The following RECQL5 variants were observed in gnomAD, a reference collection of about 807,000 sequenced individuals.
The protein encoded by RECQL5 is ATP-dependent DNA helicase Q5.
In RECQL5, 88 loss-of-function variants were observed where a neutral mutation model predicts 103.4. That is an observed-to-expected ratio of 0.85 (90% CI 0.72 to 1.02). RECQL5 has a LOEUF of 1.02. RECQL5 is among the 50% of genes least tolerant of loss of function. The pLI is 0.00. For synonymous variants in RECQL5, 552 were observed against 507.9 expected, an observed-to-expected ratio of 1.09 and a Z score of -1.17; for missense variants, 1,232 against 1,284.3, an observed-to-expected ratio of 0.96 and a Z score of 0.62.
intron 1 of RECQL5, 115 bp from the exon 2 acceptor site, chr17:75,666,686 T>C: frequency 9.9e-7 from 1 of 1,012,308 alleles, no homozygotes; most frequent in Non-Finnish European, 1.4e-6. Context: ...TTAAATAATG[T>C]ATTATTTTTA....
chr17:75,652,321 G>A (rs1196037331), intron 7 of RECQL5: 2 of 152,358 alleles, frequency 1.3e-5, no homozygotes, highest in Non-Finnish European at 2.9e-5. Flanking sequence ...TACACCAGGA[G>A]AGCAAGATTC....
At chr17:75,627,746 G>A (rs1158662085) in intron 18 of RECQL5, 54 bp from the exon 19 acceptor site, 43 of 1,510,948 alleles carry the variant, frequency 2.8e-5, no homozygotes, top group South Asian at 1.8e-4. Context: ...GTGGCCGGGC[G>A]CAGTGGCTCA....
At chr17:75,635,237 C>T (rs1219772469) in intron 8 of RECQL5, among the ~76,000 whole-genome samples, 2 of 152,162 alleles carry the variant, frequency 1.3e-5, no homozygotes, top group South Asian at 2.1e-4. Flanking sequence ...CAAGCTCCTG[C>T]GGTGTTGGGA....
At chr17:75,643,603 G>A (rs1568272310) in intron 8 of RECQL5, among the ~76,000 whole-genome samples, 3 of 152,216 alleles carry the variant, frequency 2.0e-5, no homozygotes, top group Admixed American at 6.5e-5. Flanking sequence ...TTCTTGTGCC[G>A]GTCTTCCCTG....
rs1418233951 is a variant in RECQL5 at position 75,636,798 on chromosome 17, G to A, written c.1230-5130C>T. On this transcript the variant is annotated intron_variant, in intron 8 of 19. Coordinates refer to ENST00000317905, the MANE Select transcript of RECQL5 (RefSeq NM_004259.7). The surrounding 1 kb of genome is among the most constrained non-coding windows in gnomAD (Gnocchi z 5.4). ...CCGGGGTTCCTCTCCAGCTCTCTGG[G>A]GGCAGAACAGCCACGTCCAACGGTC... 7 of 152,482 alleles carry A rather than the reference G, an allele frequency of 4.6e-5. No individual in the cohort carries two copies. The highest frequency in any genetic ancestry group is 1.0e-4 in the Non-Finnish European group (7 of 68,268). 9.4% of individuals were successfully genotyped at this position (152,482 alleles called of 1,614,324 possible).
Position 75,662,465 on chromosome 17 carries a change from C to T in RECQL5, c.771+14G>A. ...TGCTCTAACAGCTGCTTGGCCTCCA[C>T]CTCAATGCCTCACCCCTTTATCAGC... On this transcript the variant is annotated intron_variant, in intron 4 of 19. Coordinates refer to ENST00000317905, the MANE Select transcript of RECQL5 (RefSeq NM_004259.7). The T allele has an allele frequency of 1.9e-6, 3 of 1,609,092 alleles. No individual in the cohort carries two copies. The highest frequency in any genetic ancestry group is 2.5e-6 in the Non-Finnish European group (3 of 1,176,780).
intron 7 of RECQL5, among the ~76,000 whole-genome samples, chr17:75,657,530 C>CT (rs1349803078): frequency 1.3e-5 from 2 of 152,058 alleles, no homozygotes; most frequent in East Asian, 3.9e-4. Flanking sequence ...AGGAGGATTA[C>CT]TTGAGCCCAG....
intron 13 of RECQL5, 145 bp from the exon 14 acceptor site, chr17:75,630,422 G>A (rs2059185388): frequency 4.4e-6 from 4 of 900,394 alleles, no homozygotes; most frequent in African/African-American, 1.7e-5. Context: ...GTGGCTTACT[G>A]TCCCTCAGCA....
Position 75,629,174 on chromosome 17 carries a change from T to C in RECQL5, c.2249A>G (p.Gln750Arg), listed in dbSNP as rs779281071. 1.9e-6 allele frequency: 3 copies of C among 1,613,740 alleles called. No individual in the cohort carries two copies. Among genetic ancestry groups the C allele is most frequent in the South Asian group, 2.2e-5 (2 of 91,090 alleles). The change falls in exon 16 of 20, where the codon CAG (glutamine) becomes CGG (arginine). Residue 750 changes from glutamine to arginine, a missense_variant. By Grantham distance (43) the Gln-to-Arg change is conservative (BLOSUM62 1). Coordinates refer to ENST00000317905, the MANE Select transcript of RECQL5 (RefSeq NM_004259.7). Reference sequence around the variant, plus strand: ...GTGGGCCGCTGTGGCTAGGAGCTGCTGTTTCTTGCTAGCCCGGCCCTTGGC... The same window carrying C: ...GTGGGCCGCTGTGGCTAGGAGCTGCCGTTTCTTGCTAGCCCGGCCCTTGGC... ...SLAKGRASKK[Q>R]QLLATAAHKD...
At chr17:75,633,752 C>T in intron 8 of RECQL5, 3 of 1,041,920 alleles carry the variant, frequency 2.9e-6, no homozygotes, top group Non-Finnish European at 3.5e-6. Context: ...TGCAGGACTC[C>T]CCTCCACAGG....
chr17:75,629,349 C>T lies in RECQL5; in HGVS notation c.2074G>A (p.Glu692Lys), dbSNP rs567932731. 5.3e-6 allele frequency: 8 copies of T among 1,519,654 alleles called. No individual in the cohort carries two copies. The highest frequency in any genetic ancestry group is 4.0e-5 in the South Asian group (3 of 75,598). The allele number at this position is 1,519,654 out of a possible 1,614,324, so 94.1% of individuals were successfully genotyped here. ...AGGCCACAGGGCCGGCTCGGGGGCT[C>T]GTGCTCGCCTCCCCGCTCGGGCTGG... is the stretch of plus-strand genomic sequence containing the variant. The part of the protein sequence containing the change: ...APQPERGGEH[E>K]PPSRPCGLLD... The change falls in exon 16 of 20, where the codon GAG (glutamate) becomes AAG (lysine). Residue 692 changes from glutamate (E) to lysine (K), a missense_variant. Physicochemically the swap from Glu to Lys is moderately conservative, Grantham distance 56. Transcript: ENST00000317905.
At chr17:75,635,704 A>G in intron 8 of RECQL5, 2 of 802,782 alleles carry the variant, frequency 2.5e-6, no homozygotes, top group Non-Finnish European at 3.0e-6. Context: ...TGGACCTCAA[A>G]CGAGATAATG....
rs551290636 is a variant in RECQL5, at chr17:75,644,300, G to A, written c.1229+6886C>T. 2.6e-4 allele frequency among the ~76,000 whole-genome samples: 40 copies of A among 152,080 alleles called. 1 individual carries two copies. The South Asian group carries it at 8.1e-3, about 31-fold the overall frequency. On this transcript the variant is annotated intron_variant, in intron 8 of 19. Transcript: ENST00000317905. The stretch of plus-strand genomic sequence containing the variant: ...AGCCTGAGCGACAGAGTGAGATTCC[G>A]TCTCAAGCAAACAAACAAAAAACAA...
In RECQL5 at chr17:75,666,487, A is replaced by G. The variant is rs1220591408; in HGVS notation, c.71T>C (p.Phe24Ser). 2 of 1,614,144 alleles carry G rather than the reference A, an allele frequency of 1.2e-6. No homozygotes were observed. The highest frequency in any genetic ancestry group is 4.5e-5 in the East Asian group (2 of 44,886). The change falls in exon 2 of 20, where the codon TTT becomes TCT. Residue 24 changes from phenylalanine (F) to serine (S), a missense_variant. Physicochemically the swap from Phe to Ser is radical, Grantham distance 155. Coordinates refer to ENST00000317905, the MANE Select transcript of RECQL5 (RefSeq NM_004259.7). ...AGGCGTCTTAAAAGAGTCAAACCCA[A>G]AGACCTTCTTCAGCGTACTCCGGAC... ...RRVRSTLKKV[F>S]GFDSFKTPLQ...
At position 75,629,830 on chromosome 17, in the gene RECQL5, G is replaced by A. The variant is rs1406435366; in HGVS notation, c.1825C>T (p.His609Tyr). Residue 609 changes from histidine to tyrosine, a missense_variant, in exon 15 of 20, where the codon CAC (histidine) becomes TAC (tyrosine). Coordinates refer to ENST00000317905, the MANE Select transcript of RECQL5 (RefSeq NM_004259.7). ...GGCTGCCCATCCTTGGAGGCTCTGT[G>A]GATATCGGCCACCTGGGCAGGGATA... is the stretch of plus-strand genomic sequence containing the variant. ...ASVLKKVADI[H>Y]RASKDGQPYD... is the part of the protein sequence containing the mutation. The A allele has an allele frequency of 6.2e-7, 1 of 1,609,442 alleles. No individual in the cohort carries two copies. Among genetic ancestry groups the A allele is most frequent in the African/African-American group, 1.3e-5 (1 of 74,974 alleles).
rs756200445 is a variant in RECQL5 at position 75,666,423 on chromosome 17, G to C, written c.130+5C>G. ...ATTTAAAGGAAGGTAGCTTGGTAAT[G>C]TTACCTTTTACTACAGCCATGGTCG... is the stretch of plus-strand genomic sequence containing the variant. On this transcript the variant is annotated splice_donor_5th_base_variant and intron_variant, in intron 2 of 19. Coordinates refer to ENST00000317905, the MANE Select transcript of RECQL5 (RefSeq NM_004259.7). The C allele has an allele frequency of 6.2e-7, 1 of 1,613,752 alleles. No individual in the cohort carries two copies. Among genetic ancestry groups the C allele is most frequent in the Non-Finnish European group, 8.5e-7 (1 of 1,179,878 alleles).
chr17:75,645,432 C>T (rs954155622), intron 8 of RECQL5, among the ~76,000 whole-genome samples: 5 of 152,220 alleles, frequency 3.3e-5, no homozygotes, highest in South Asian at 2.1e-4. Context: ...CTCTCTGTGC[C>T]CGTTCCCCAC....
Position 75,630,843 on chromosome 17 carries a change from G to GGC in RECQL5, c.1586-7_1586-6insGC, listed in dbSNP as rs1555706005. The GGC allele has an allele frequency of 3.8e-6, 5 of 1,311,062 alleles. No homozygotes were observed. The African/African-American group carries it at 7.2e-5, about 19-fold the overall frequency. 81.2% of individuals were successfully genotyped at this position (1,311,062 alleles called of 1,614,324 possible). A position where few individuals can be genotyped will look rare whatever the true frequency, so the allele number is the denominator to read the frequency against. ...TTTCAGGGGACAGTTCTCATCTGTGGGGGGGGGGGGTGGTCCTTGGTCCTT... is the reference window on the plus strand; with the variant it reads ...TTTCAGGGGACAGTTCTCATCTGTGGGCGGGGGGGGGGTGGTCCTTGGTCCTT... On this transcript the variant is annotated splice_region_variant and splice_polypyrimidine_tract_variant and intron_variant, in intron 11 of 19. Transcript: ENST00000317905.
intron 2 of RECQL5, among the ~76,000 whole-genome samples, chr17:75,666,025 C>T (rs1279897636): frequency 1.3e-5 from 2 of 152,172 alleles, no homozygotes; most frequent in Non-Finnish European, 2.9e-5. Context: ...TGTTGCTGTT[C>T]GTTTGTGTGT....
Sources: allele counts gnomAD v4.1 joint callset (sites outside exome capture counted in the v4.1 genomes callset), GRCh38; gene constraint gnomAD v4.1.1; non-coding constraint Gnocchi (gnomAD v3.1); transcripts MANE v1.5; gene names NCBI Gene and HGNC (gene_info 2026-07-23, HGNC 2026-07-21).